Variants in AK2 observed in about 807,000 individuals in gnomAD.
AK2 encodes adenylate kinase 2, mitochondrial.
A neutral mutation model predicts 24.6 loss-of-function variants in AK2; 15 were observed. The ratio of observed to expected loss-of-function variants is 0.61; its 90% CI spans 0.41 to 0.94. AK2 has a LOEUF of 0.94. Ranked by LOEUF, AK2 falls within the 40% of genes least tolerant of loss-of-function variation. The pLI, the probability that AK2 is intolerant of heterozygous loss-of-function variation, is 0.00. For synonymous variants in AK2, 102 were observed against 114.0 expected (o/e 0.90, Z 0.67); for missense variants, 257 against 304.1 (o/e 0.85, Z 1.15).
intron 1 of AK2, among the ~76,000 whole-genome samples, chr1:33,030,110 C>T (rs1640145490): frequency 1.3e-5 from 2 of 152,252 alleles, no homozygotes; most frequent in Non-Finnish European, 2.9e-5. Context: ...ACGTCCTGCA[C>T]CACTGCAGAC....
In AK2 at chr1:33,024,428, AC is replaced by A. The variant is rs1639745553; in HGVS notation, c.219+13del. 2 of 1,613,462 alleles carry A rather than the reference AC, an allele frequency of 1.2e-6. No homozygotes were observed. Among genetic ancestry groups the A allele is most frequent in the South Asian group, 2.2e-5 (2 of 91,046 alleles). On this transcript the variant is annotated intron_variant, in intron 2 of 5. Transcript: ENST00000672715. ...CTGAGGAATATCAACACTCATTGGT[AC>A]CACCAAACCTACCAGTTTCCCAGCA...
rs1272000986 is a variant in AK2 at position 33,016,740 on chromosome 1, C to T, written c.426-2146G>A. ...TTATTTTTTGAGACAGAGTCTCATTCTGTTGCCCAGGCTGGAGTGCAGTGT... is the reference window on the plus strand; with the variant it reads ...TTATTTTTTGAGACAGAGTCTCATTTTGTTGCCCAGGCTGGAGTGCAGTGT... On this transcript the variant is annotated intron_variant, in intron 4 of 5. Transcript: ENST00000672715. 2.6e-5 allele frequency among the ~76,000 whole-genome samples: 4 copies of T among 152,094 alleles called. No homozygotes were observed. The South Asian group carries it at 6.2e-4, about 24-fold the overall frequency.
In AK2 at chr1:33,011,502, T is replaced by C. The variant is rs768105088; in HGVS notation, c.*1679A>G. ...GCCAGGTACTCATGCCCAGTTGCCA[T>C]GTGGACAGCAGATAAGACCTCTGGT... On this transcript the variant is annotated 3_prime_UTR_variant, in exon 6 of 6. Coordinates refer to ENST00000672715, the MANE Select transcript of AK2 (RefSeq NM_001625.4). 3.1e-5 allele frequency: 40 copies of C among 1,287,298 alleles called. No individual in the cohort carries two copies. Among genetic ancestry groups the C allele is most frequent in the African/African-American group, 2.0e-4 (13 of 65,782 alleles). The allele number at this position is 1,287,298 out of a possible 1,614,324, so 79.7% of individuals were successfully genotyped here.
intron 1 of AK2, among the ~76,000 whole-genome samples, chr1:33,036,139 A>T (rs1640565872): frequency 6.6e-6 from 1 of 152,132 alleles, no homozygotes; most frequent in African/African-American, 2.4e-5. Context: ...TCTCCAGGCT[A>T]TAAACCAGTT....
intron 1 of AK2, among the ~76,000 whole-genome samples, chr1:33,028,068 T>C (rs1640009801): frequency 6.6e-6 from 1 of 152,218 alleles, no homozygotes; most frequent in African/African-American, 2.4e-5. Flanking sequence ...CTTCCTTCCA[T>C]GGTCTTTCTT....
At position 33,013,120 on chromosome 1, in the gene AK2, T is replaced by A. The variant is rs370479789; in HGVS notation, c.*61A>T. The A allele has an allele frequency of 2.7e-5, 44 of 1,613,518 alleles. No homozygotes were observed. In the African/African-American group the frequency reaches 4.8e-4, roughly 18 times the overall value. ...GCCTGAGGAAGCTTCTCTTTGCCTG[T>A]CCTATCATTCCCACCCATTGCCTCA... On this transcript the variant is annotated 3_prime_UTR_variant, in exon 6 of 6. Coordinates refer to ENST00000672715, the MANE Select transcript of AK2 (RefSeq NM_001625.4).
chr1:33,032,971 G>A (rs185457287), intron 1 of AK2, among the ~76,000 whole-genome samples: 1 of 152,158 alleles, frequency 6.6e-6, no homozygotes, highest in East Asian at 1.9e-4. Context: ...AGACCATCCT[G>A]GCTAACACAG....
Position 33,024,553 on chromosome 1 carries a change from A to G in AK2, c.108T>C (p.Ala36=). 6.2e-7 allele frequency: 1 copy of G among 1,614,194 alleles called. No homozygotes were observed. Among genetic ancestry groups the G allele is most frequent in the Non-Finnish European group, 8.5e-7 (1 of 1,180,008 alleles). Residue 36 remains alanine, a synonymous_variant, in exon 2 of 6, where the codon GCT becomes GCC. Coordinates refer to ENST00000672715, the MANE Select transcript of AK2 (RefSeq NM_001625.4). ...AGKGTQAPRL[A]ENFCVCHLAT... ...CTAAATGGCAGACACAGAAGTTTTC[A>G]GCCAATCTGGGTGCCTACAGAGAGG... is the stretch of plus-strand genomic sequence containing the variant.
intron 1 of AK2, among the ~76,000 whole-genome samples, chr1:33,034,448 A>G (rs889773681): frequency 7.7e-6 from 1 of 130,344 alleles, no homozygotes; most frequent in African/African-American, 3.1e-5. Flanking sequence ...TGGGTGCTTG[A>G]TACACACACA....
chr1:33,027,040 TG>T (rs973593737), intron 1 of AK2, among the ~76,000 whole-genome samples: 28 of 151,918 alleles, frequency 1.8e-4, no homozygotes, highest in African/African-American at 6.8e-4. Flanking sequence ...GCAGGAGAAT[TG>T]CTTGAACCCA....
In AK2 at chr1:33,011,535, C is replaced by G. The variant is rs1402651668; in HGVS notation, c.*1646G>C. ...GCAGATAAGACCTCTGGTAGTCTCA[C>G]AGATGGCAGGAGAGCTCAGGTCAGG... On this transcript the variant is annotated 3_prime_UTR_variant, in exon 6 of 6. Coordinates refer to ENST00000672715, the MANE Select transcript of AK2 (RefSeq NM_001625.4). The G allele has an allele frequency of 7.8e-7, 1 of 1,287,546 alleles. No individual in the cohort carries two copies. The highest frequency in any genetic ancestry group is 1.0e-6 in the Non-Finnish European group (1 of 988,928). 79.8% of individuals were successfully genotyped at this position (1,287,546 alleles called of 1,614,324 possible). A position where few individuals can be genotyped will look rare whatever the true frequency, so the allele number is the denominator to read the frequency against.
At position 33,011,428 on chromosome 1, in the gene AK2, C is replaced by A. The variant is rs1461388762; in HGVS notation, c.*1753G>T. The A allele has an allele frequency of 7.8e-7, 1 of 1,287,296 alleles. No individual in the cohort carries two copies. The highest frequency in any genetic ancestry group is 2.3e-5 in the Admixed American group (1 of 43,536). 79.7% of individuals were successfully genotyped at this position (1,287,296 alleles called of 1,614,324 possible). On this transcript the variant is annotated 3_prime_UTR_variant, in exon 6 of 6. Transcript: ENST00000672715. Reference sequence around the variant, plus strand: ...TTAGAGCCAGGAAAACAAGGCAGGACAGAGGCAGCAGACACTCACTTGGAC... The same window carrying A: ...TTAGAGCCAGGAAAACAAGGCAGGAAAGAGGCAGCAGACACTCACTTGGAC...
In AK2 at chr1:33,036,823, A is replaced by T. The variant is rs1640622210; in HGVS notation, c.6T>A (p.Ala2=). Residue 2 remains alanine (A), a synonymous_variant, in exon 1 of 6, where the codon GCT becomes GCA. Transcript: ENST00000672715. The stretch of plus-strand genomic sequence containing the variant: ...CGGGTTCTGCCGCTGGCACGCTGGG[A>T]GCCATGTCCGCCGAAGTCTCTCACT... M[A]PSVPAAEPEY... The T allele has an allele frequency of 6.3e-7, 1 of 1,591,202 alleles. No individual in the cohort carries two copies. The highest frequency in any genetic ancestry group is 8.5e-7 in the Non-Finnish European group (1 of 1,169,636).
chr1:33,013,416 G>C lies in AK2; in HGVS notation c.499-14C>G. On this transcript the variant is annotated splice_polypyrimidine_tract_variant and intron_variant, in intron 5 of 5. Coordinates refer to ENST00000672715, the MANE Select transcript of AK2 (RefSeq NM_001625.4). Reference sequence around the variant, plus strand: ...TTCCCCGGTGATCTGAGAACAGGAAGACAGCAATGAAAGGCTGGGACTGTT... The same window carrying C: ...TTCCCCGGTGATCTGAGAACAGGAACACAGCAATGAAAGGCTGGGACTGTT... The C allele has an allele frequency of 6.2e-7, 1 of 1,610,660 alleles. No individual in the cohort carries two copies. Among genetic ancestry groups the C allele is most frequent in the Non-Finnish European group, 8.5e-7 (1 of 1,178,188 alleles).
At position 33,010,742 on chromosome 1, in the gene AK2, C is replaced by T; in HGVS notation, c.*2439G>A. 1 of 1,614,208 alleles carries T rather than the reference C, an allele frequency of 6.2e-7. No individual in the cohort carries two copies. Among genetic ancestry groups the T allele is most frequent in the Non-Finnish European group, 8.5e-7 (1 of 1,180,022 alleles). On this transcript the variant is annotated 3_prime_UTR_variant, in exon 6 of 6. Coordinates refer to ENST00000672715, the MANE Select transcript of AK2 (RefSeq NM_001625.4). Reference sequence around the variant, plus strand: ...CCTCCCTCACCATCCTCACCCTGACCACCCTTCCCCTCTGCCCAGCACCTA... The same window carrying T: ...CCTCCCTCACCATCCTCACCCTGACTACCCTTCCCCTCTGCCCAGCACCTA...
intron 1 of AK2, among the ~76,000 whole-genome samples, chr1:33,026,686 T>C (rs866198656): frequency 1.3e-5 from 2 of 151,622 alleles, no homozygotes; most frequent in Non-Finnish European, 1.5e-5. Flanking sequence ...CGCATGCCTG[T>C]AGTCCCAGCT....
intron 4 of AK2, among the ~76,000 whole-genome samples, chr1:33,017,000 C>T (rs899128748): frequency 6.0e-5 from 9 of 150,940 alleles, no homozygotes; most frequent in East Asian, 2.0e-4. Context: ...CCACCGCGCC[C>T]GGTCTAGTTT....
rs3222631 is a variant in AK2 at position 33,020,228 on chromosome 1, C to CACACACACACAA, written c.425+1138_425+1139insTTGTGTGTGTGT. 27 of 1,064,392 alleles carry CACACACACACAA rather than the reference C, an allele frequency of 2.5e-5. No homozygotes were observed. In the African/African-American group the frequency reaches 4.0e-4, roughly 16 times the overall value. The allele number at this position is 1,064,392 out of a possible 1,614,324, so 65.9% of individuals were successfully genotyped here. The stretch of plus-strand genomic sequence containing the variant: ...ACACACACACACACACACACACACA[C>CACACACACACAA]AAAGTGGCTGTACTATGAGCAAATT... On this transcript the variant is annotated intron_variant, in intron 4 of 5. Transcript: ENST00000672715.
At chr1:33,022,281 A>T (rs1335606235) in intron 2 of AK2, among the ~76,000 whole-genome samples, 1 of 151,882 alleles carries the variant, frequency 6.6e-6, no homozygotes, top group African/African-American at 2.4e-5. Flanking sequence ...GGAAACAGAG[A>T]AGTTCACTGA....
Sources: allele counts gnomAD v4.1 joint callset (sites outside exome capture counted in the v4.1 genomes callset), GRCh38; gene constraint gnomAD v4.1.1; transcripts MANE v1.5; gene names NCBI Gene and HGNC (gene_info 2026-07-23, HGNC 2026-07-21).